SORCS1: variants seen among roughly 807,000 people sequenced by gnomAD.
SORCS1 encodes the protein sortilin related VPS10 domain containing receptor 1.
A neutral mutation model predicts 146.1 loss-of-function variants in SORCS1; 60 were observed. The ratio of observed to expected loss-of-function variants is 0.41; its 90% CI spans 0.33 to 0.51. SORCS1 has a LOEUF of 0.51. Among genes scored for constraint, SORCS1 ranks in the 20% least tolerant of loss-of-function variants. SORCS1 has a pLI of 0.21. For missense variants in SORCS1, 1,352 were observed against 1,487.6 expected, an observed-to-expected ratio of 0.91 and a Z score of 1.50; for synonymous variants, 637 against 584.0, an observed-to-expected ratio of 1.09 and a Z score of -1.31.
intron 1 of SORCS1, among the ~76,000 whole-genome samples, chr10:107,040,694 G>A (rs1022913698): frequency 1.3e-5 from 2 of 152,186 alleles, no homozygotes; most frequent in African/African-American, 4.8e-5. Context: ...TAGGGTTGTT[G>A]TAAGGATTAC....
chr10:107,013,907 G>C (rs572886973), intron 1 of SORCS1, among the ~76,000 whole-genome samples: 1 of 152,292 alleles, frequency 6.6e-6, no homozygotes, highest in African/African-American at 2.4e-5. Context: ...AGAATCTCTA[G>C]ATTGCCACAG....
intron 5 of SORCS1, among the ~76,000 whole-genome samples, chr10:106,756,946 C>T (rs1020547695): frequency 3.9e-5 from 6 of 152,252 alleles, no homozygotes; most frequent in Middle Eastern, 6.8e-3. Flanking sequence ...TAAACCCATA[C>T]TTTTAGCCAG....
At chr10:106,920,203 C>T (rs992020151) in intron 2 of SORCS1, among the ~76,000 whole-genome samples, 7 of 152,150 alleles carry the variant, frequency 4.6e-5, no homozygotes, top group Admixed American at 2.0e-4. Flanking sequence ...CACCGCCCAC[C>T]CACTGGGACT....
At chr10:106,909,956 A>G (rs755178891) in intron 2 of SORCS1, among the ~76,000 whole-genome samples, 1 of 152,208 alleles carries the variant, frequency 6.6e-6, no homozygotes, top group Non-Finnish European at 1.5e-5. Context: ...GTTGTATATC[A>G]TGGCAAGAAA....
chr10:106,924,545 CAT>C (rs1952902162), intron 2 of SORCS1, among the ~76,000 whole-genome samples: 1 of 151,804 alleles, frequency 6.6e-6, no homozygotes, highest in Non-Finnish European at 1.5e-5. Context: ...TACTCCAAAA[CAT>C]ATGGAGGCAA....
chr10:106,655,146 C>T (rs950964923), intron 17 of SORCS1, among the ~76,000 whole-genome samples: 4 of 152,182 alleles, frequency 2.6e-5, no homozygotes, highest in Admixed American at 6.5e-5. Context: ...TGAGCCACCA[C>T]GCCTGGCCTC....
intron 2 of SORCS1, among the ~76,000 whole-genome samples, chr10:106,898,672 G>A (rs534126214): frequency 1.3e-5 from 2 of 152,230 alleles, no homozygotes; most frequent in South Asian, 4.1e-4. Context: ...CCAGACTTGT[G>A]GGGGAGTGGA....
intron 10 of SORCS1, among the ~76,000 whole-genome samples, chr10:106,684,545 T>C (rs1852682074): frequency 6.6e-6 from 1 of 152,146 alleles, no homozygotes; most frequent in African/African-American, 2.4e-5. Flanking sequence ...CAATGCAGTC[T>C]TCAGAGGAAA....
At chr10:106,687,958 C>T (rs143249782) in intron 10 of SORCS1, among the ~76,000 whole-genome samples, 39 of 152,242 alleles carry the variant, frequency 2.6e-4, no homozygotes, top group African/African-American at 8.2e-4. Context: ...AGAACTTGGG[C>T]GGGAAACAAG....
At chr10:107,080,374 A>T (rs1302470949) in intron 1 of SORCS1, among the ~76,000 whole-genome samples, 1 of 152,198 alleles carries the variant, frequency 6.6e-6, no homozygotes, top group Non-Finnish European at 1.5e-5. Flanking sequence ...CTTGACCCCA[A>T]GTCACTCCAG....
intron 6 of SORCS1, among the ~76,000 whole-genome samples, chr10:106,713,181 G>A (rs1855119687): frequency 6.6e-6 from 1 of 152,142 alleles, no homozygotes. Flanking sequence ...ACAACTAGAT[G>A]GAAAGTACCC....
chr10:106,910,691 C>T (rs1952110262), intron 2 of SORCS1, among the ~76,000 whole-genome samples: 1 of 152,198 alleles, frequency 6.6e-6, no homozygotes. Flanking sequence ...CAAAGATACA[C>T]ATACAATAAT....
chr10:106,612,979 C>T (rs903977170), intron 21 of SORCS1, among the ~76,000 whole-genome samples: 6 of 149,088 alleles, frequency 4.0e-5, no homozygotes, highest in Non-Finnish European at 7.4e-5. Flanking sequence ...GCTCACTACC[C>T]TCCCCCGGCT....
intron 2 of SORCS1, among the ~76,000 whole-genome samples, chr10:106,919,238 G>A (rs1277275865): frequency 6.6e-6 from 1 of 152,072 alleles, no homozygotes; most frequent in Non-Finnish European, 1.5e-5. Context: ...ACTGAAGAAA[G>A]GTAAAATATT....
At chr10:106,609,738 T>C (rs1009577093) in intron 22 of SORCS1, among the ~76,000 whole-genome samples, 1 of 152,208 alleles carries the variant, frequency 6.6e-6, no homozygotes, top group Non-Finnish European at 1.5e-5. Context: ...GAAATCCTGA[T>C]GAGCAGTAAT....
At chr10:106,743,082 T>C (rs1857472279) in intron 5 of SORCS1, among the ~76,000 whole-genome samples, 1 of 152,200 alleles carries the variant, frequency 6.6e-6, no homozygotes, top group South Asian at 2.1e-4. Flanking sequence ...GGTCTGTTTT[T>C]AAATCAGTAG....
chr10:106,688,615 G>A (rs981267807), intron 9 of SORCS1, among the ~76,000 whole-genome samples: 10 of 152,270 alleles, frequency 6.6e-5, no homozygotes, highest in African/African-American at 2.4e-4. Flanking sequence ...GGAGCCCGCA[G>A]TTGCCAAGAG....
intron 1 of SORCS1, among the ~76,000 whole-genome samples, chr10:107,047,672 C>A (rs556882536): frequency 6.6e-6 from 1 of 152,160 alleles, no homozygotes; most frequent in Non-Finnish European, 1.5e-5. Context: ...CTAGCCAAAA[C>A]GGACCATTTG....
At chr10:106,671,482 A>T (rs1271988765) in intron 15 of SORCS1, 115 bp from the exon 16 acceptor site, 3 of 1,447,326 alleles carry the variant, frequency 2.1e-6, no homozygotes, top group Non-Finnish European at 2.8e-6. Flanking sequence ...AAACTTTGGT[A>T]GCCCTCTTTG....
Sources: gnomAD v4.1 joint callset for allele counts (sites outside exome capture counted in the v4.1 genomes callset) on GRCh38, gnomAD v4.1.1 for gene constraint, MANE v1.5 for transcripts, NCBI Gene and HGNC (gene_info 2026-07-23, HGNC 2026-07-21) for gene names.